INSC: variants seen among roughly 807,000 people sequenced by gnomAD.
The protein encoded by INSC is INSC spindle orientation adaptor protein.
A neutral mutation model predicts 58.6 loss-of-function variants in INSC; 67 were observed. The ratio of observed to expected loss-of-function variants is 1.14; its 90% CI spans 0.94 to 1.40. INSC has a LOEUF of 1.40. Among genes scored for constraint, INSC ranks in the 40% most tolerant of loss-of-function variants. INSC has a pLI of 0.00. For synonymous variants in INSC, 262 were observed against 276.1 expected, an observed-to-expected ratio of 0.95 and a Z score of 0.51; for missense variants, 714 against 692.0, an observed-to-expected ratio of 1.03 and a Z score of -0.36.
chr11:15,207,027 A>C (rs769324843), intron 7 of INSC, among the ~76,000 whole-genome samples: 10 of 152,284 alleles, frequency 6.6e-5, no homozygotes, highest in Non-Finnish European at 1.3e-4. Flanking sequence ...AGGTCAGGGC[A>C]CTGCTGGTTC....
chr11:15,235,536 T>C, intron 9 of INSC, 66 bp from the exon 10 acceptor site: 2 of 1,261,266 alleles, frequency 1.6e-6, no homozygotes, highest in South Asian at 1.2e-5. Flanking sequence ...GGCTGACCTG[T>C]CTGTAGGGAG....
intron 1 of INSC, among the ~76,000 whole-genome samples, chr11:15,123,745 C>A (rs1847926290): frequency 6.6e-6 from 1 of 152,200 alleles, no homozygotes; most frequent in African/African-American, 2.4e-5. Flanking sequence ...CTATCCTTAT[C>A]TCTGGTTTGT....
At chr11:15,205,391 G>A (rs1850756211) in intron 7 of INSC, among the ~76,000 whole-genome samples, 1 of 152,168 alleles carries the variant, frequency 6.6e-6, no homozygotes, top group Admixed American at 6.5e-5. Flanking sequence ...TTCTCACTGT[G>A]AGCTTGGATA....
chr11:15,216,568 T>C (rs1401477453), intron 7 of INSC, among the ~76,000 whole-genome samples: 1 of 152,242 alleles, frequency 6.6e-6, no homozygotes, highest in African/African-American at 2.4e-5. Context: ...GGGATAGTAC[T>C]GATTTTCTCT....
intron 12 of INSC, among the ~76,000 whole-genome samples, chr11:15,244,806 G>T (rs1852497245): frequency 2.0e-5 from 3 of 152,044 alleles, no homozygotes; most frequent in Non-Finnish European, 4.4e-5. Flanking sequence ...TTGCTTCCAG[G>T]GGTGGGAGAG....
At chr11:15,169,541 G>GTTTC (rs1849320269) in intron 2 of INSC, among the ~76,000 whole-genome samples, 1 of 135,504 alleles carries the variant, frequency 7.4e-6, no homozygotes, top group South Asian at 2.7e-4. Flanking sequence ...TTGTTTGTTT[G>GTTTC]TTTGTTTGTT....
chr11:15,124,992 G>A (rs999307312), intron 1 of INSC, among the ~76,000 whole-genome samples: 3 of 152,120 alleles, frequency 2.0e-5, no homozygotes, highest in Admixed American at 6.6e-5. Flanking sequence ...GCCCTTAGAG[G>A]ATTTGGTTTG....
At position 15,221,512 on chromosome 11, in the gene INSC, C is replaced by T. The variant is rs199609375; in HGVS notation, c.855C>T (p.Thr285=). The T allele has an allele frequency of 2.1e-5, 34 of 1,613,278 alleles. No homozygotes were observed. The highest frequency in any genetic ancestry group is 8.0e-5 in the African/African-American group (6 of 75,006). Residue 285 remains threonine, a synonymous_variant, in exon 8 of 13, where the codon ACC becomes ACT. Transcript: ENST00000379556. ...DGVLCLADIL[T]DNSHSEATRA... The stretch of plus-strand genomic sequence containing the variant: ...TTCTGTGCTTGGCCGACATCCTGAC[C>T]GACAACAGCCACTCAGAGGCCACAC...
chr11:15,129,074 T>C (rs1238660803), intron 1 of INSC, among the ~76,000 whole-genome samples: 1 of 152,318 alleles, frequency 6.6e-6, no homozygotes, highest in South Asian at 2.1e-4. Context: ...GGTAGAAGTA[T>C]GTGAGCAAGA....
At chr11:15,240,398 C>T in intron 11 of INSC, 49 bp from the exon 12 acceptor site, 1 of 1,546,910 alleles carries the variant, frequency 6.5e-7, no homozygotes, top group Non-Finnish European at 8.9e-7. Flanking sequence ...TGGGTCAGGC[C>T]TGGCTGGGCC....
At chr11:15,123,653 C>T (rs991653844) in intron 1 of INSC, among the ~76,000 whole-genome samples, 1 of 152,130 alleles carries the variant, frequency 6.6e-6, no homozygotes, top group Non-Finnish European at 1.5e-5. Flanking sequence ...ACAGGTACAT[C>T]TAATTCCCGG....
intron 9 of INSC, among the ~76,000 whole-genome samples, chr11:15,229,873 CGTGGCAAAATCCTATCTCTATAAAAAACA>C (rs1564916565): frequency 4.6e-4 from 65 of 140,638 alleles, no homozygotes; most frequent in African/African-American, 1.7e-3. Flanking sequence ...GCCTGGGCAA[CGTGGCAAAATCCTATCTCTATAAAAAACA>C]TTTTTATATA....
intron 2 of INSC, among the ~76,000 whole-genome samples, chr11:15,173,037 A>C (rs1849453249): frequency 6.6e-6 from 1 of 152,246 alleles, no homozygotes; most frequent in Admixed American, 6.5e-5. Context: ...ACATCTATTG[A>C]ATTACAATTC....
chr11:15,182,141 GATACATA>G (rs1320548519), intron 5 of INSC, among the ~76,000 whole-genome samples: 2 of 152,194 alleles, frequency 1.3e-5, no homozygotes, highest in Admixed American at 1.3e-4. Context: ...CTTAATTCTG[GATACATA>G]ATACTATCAC....
chr11:15,116,807 T>TTC (rs1381195781), intron 1 of INSC, among the ~76,000 whole-genome samples: 6 of 19,960 alleles, frequency 3.0e-4, no homozygotes, highest in African/African-American at 1.6e-3. Context: ...TTTCTTTCTT[T>TTC]TCTTTCTTTC....
downstream of INSC, among the ~76,000 whole-genome samples, chr11:15,252,180 C>A (rs1019640456): frequency 6.6e-6 from 1 of 152,060 alleles, no homozygotes; most frequent in Admixed American, 6.6e-5. Flanking sequence ...AATAGCCAAG[C>A]CTTCATGAAT....
chr11:15,166,943 G>A (rs898916161), intron 2 of INSC, among the ~76,000 whole-genome samples: 1 of 152,176 alleles, frequency 6.6e-6, no homozygotes, highest in South Asian at 2.1e-4. Context: ...GTGAATAAGA[G>A]AGTAAACCAA....
At chr11:15,144,970 A>G (rs781566044) in intron 1 of INSC, among the ~76,000 whole-genome samples, 8 of 152,204 alleles carry the variant, frequency 5.3e-5, no homozygotes, top group Non-Finnish European at 7.3e-5. Flanking sequence ...ACAAGGCTGC[A>G]GGATCCATGG....
intron 2 of INSC, among the ~76,000 whole-genome samples, chr11:15,168,436 AG>A (rs1407393724): frequency 5.3e-5 from 8 of 152,332 alleles, no homozygotes; most frequent in Admixed American, 5.2e-4. Context: ...GTCCCTGCAA[AG>A]GACATGATCT....
Sources: allele counts gnomAD v4.1 joint callset (sites outside exome capture counted in the v4.1 genomes callset), GRCh38; gene constraint gnomAD v4.1.1; transcripts MANE v1.5; gene names NCBI Gene and HGNC (gene_info 2026-07-23, HGNC 2026-07-21).